The following CLTRN variants were observed in gnomAD, a reference collection of about 807,000 sequenced individuals.
CLTRN encodes collectrin.
In CLTRN, 12 loss-of-function variants were observed where a neutral mutation model predicts 14.5. The observed-to-expected ratio is 0.83, with a 90% CI of 0.53 to 1.34. The LOEUF (loss-of-function observed/expected upper bound fraction) is 1.34. Among genes scored for constraint, CLTRN ranks in the 40% most tolerant of loss-of-function variants. The pLI is 0.00. For synonymous variants in CLTRN, 58 were observed against 56.5 expected (o/e 1.03, Z -0.12); for missense variants, 154 against 165.1 (o/e 0.93, Z 0.37).
intron 2 of CLTRN, among the ~76,000 whole-genome samples, chrX:15,660,237 G>A (rs768574542): frequency 9.0e-6 from 1 of 111,629 alleles, no homozygotes; most frequent in Non-Finnish European, 1.9e-5. Flanking sequence ...AACAAAAAAT[G>A]TATTACTCAG....
chrX:15,664,572 C>T, intron 1 of CLTRN, 146 bp downstream of exon 1: 1 of 669,780 alleles, frequency 1.5e-6, no homozygotes, highest in African/African-American at 2.2e-5. Context: ...TTAATATTTT[C>T]TTTCAAACTC....
chrX:15,641,636 CTGTGTG>C lies in CLTRN; in HGVS notation c.318-1886_318-1881del, dbSNP rs56407617. Among the ~76,000 whole-genome samples, 617 of 88,469 alleles carry C rather than the reference CTGTGTG, an allele frequency of 7.0e-3. 2 individuals are homozygous for C. The highest frequency in any genetic ancestry group is 9.7e-3 in the Non-Finnish European group (440 of 45,294). The allele number at this position is 88,469 out of a possible 115,157, so 76.8% of individuals were successfully genotyped here. Reference sequence around the variant, plus strand: ...CACAGGTGTGTGCCACCACACCTGGCTGTGTGTGTGTGTGTGTGTGTGTGTGTGTGT... The same window carrying C: ...CACAGGTGTGTGCCACCACACCTGGCTGTGTGTGTGTGTGTGTGTGTGTGT... On this transcript the variant is annotated intron_variant, in intron 4 of 5. Transcript: ENST00000380342.
chrX:15,654,576 G>T (rs1229685470), intron 3 of CLTRN, among the ~76,000 whole-genome samples: 1 of 112,404 alleles, frequency 8.9e-6, no homozygotes, highest in Non-Finnish European at 1.9e-5. Context: ...CTCAACTAAT[G>T]AAACCAGAGC....
Position 15,627,980 on chromosome X carries a change from G to T in CLTRN, c.660C>A (p.Thr220=). ...DAFMTEDERL[T]PL is the part of the protein sequence containing the mutation. ...GCAGAACAACAGCCCTTCAGAGAGG[G>T]GTGAGCCTCTCATCCTCTGTCATGA... Residue 220 remains threonine (T), a synonymous_variant, in exon 6 of 6, where the codon ACC becomes ACA. Coordinates refer to ENST00000380342, the MANE Select transcript of CLTRN (RefSeq NM_020665.6). 9.7e-7 allele frequency: 1 copy of T among 1,032,159 alleles called. No homozygotes were observed. The highest frequency in any genetic ancestry group is 1.3e-6 in the Non-Finnish European group (1 of 797,193). The allele number at this position is 1,032,159 out of a possible 1,213,427, so 85.1% of individuals were successfully genotyped here.
chrX:15,656,646 G>A (rs1034252406), intron 3 of CLTRN, among the ~76,000 whole-genome samples: 6 of 110,974 alleles, frequency 5.4e-5, no homozygotes, highest in Non-Finnish European at 9.4e-5. Flanking sequence ...CAGCCTCTCC[G>A]CAAAGCTATT....
chrX:15,663,813 C>G (rs758357444), intron 2 of CLTRN, among the ~76,000 whole-genome samples: 1 of 112,475 alleles, frequency 8.9e-6, no homozygotes, highest in African/African-American at 3.2e-5. Flanking sequence ...CACATGGGCC[C>G]TATGACTATT....
intron 1 of CLTRN, among the ~76,000 whole-genome samples, chrX:15,671,580 G>A (rs1367495116): frequency 3.6e-5 from 4 of 110,894 alleles, no homozygotes; most frequent in African/African-American, 9.9e-5. Context: ...TTCAATGTGG[G>A]AATGGGTTCA....
At chrX:15,657,001 ATT>A (rs1180351298) in intron 3 of CLTRN, among the ~76,000 whole-genome samples, 2 of 101,434 alleles carry the variant, frequency 2.0e-5, no homozygotes, top group Admixed American at 1.1e-4. Flanking sequence ...TGTGTACCCA[ATT>A]TTTTTTTTTT....
intron 1 of CLTRN, among the ~76,000 whole-genome samples, chrX:15,674,332 G>C (rs112858206): frequency 0.024 from 2,638 of 111,703 alleles, 71 homozygotes; most frequent in African/African-American, 0.082. Context: ...GACCTAGAGA[G>C]CATTAGGGCA....
chrX:15,644,152 A>G (rs1929004192), intron 4 of CLTRN, among the ~76,000 whole-genome samples: 1 of 112,174 alleles, frequency 8.9e-6, no homozygotes, highest in Admixed American at 9.4e-5. Flanking sequence ...AAATTGTAAA[A>G]TACTTGAAAT....
chrX:15,670,885 TG>T (rs1372341960), intron 1 of CLTRN, among the ~76,000 whole-genome samples: 4 of 4,071 alleles, frequency 9.8e-4, no homozygotes, highest in Non-Finnish European at 1.4e-3. Flanking sequence ...GACAAGTGTG[TG>T]TGTGTGTGTG....
intron 1 of CLTRN, among the ~76,000 whole-genome samples, chrX:15,673,791 C>G (rs1245392151): frequency 5.4e-5 from 6 of 112,000 alleles, no homozygotes; most frequent in Admixed American, 2.8e-4. Context: ...TATAGTAAAT[C>G]TCACTGCCAT....
chrX:15,654,301 G>T (rs1414666034), intron 3 of CLTRN, among the ~76,000 whole-genome samples: 1 of 112,653 alleles, frequency 8.9e-6, no homozygotes, highest in Non-Finnish European at 1.9e-5. Flanking sequence ...AGAAAGCCTT[G>T]CCTGAGTTAG....
chrX:15,666,146 C>A (rs1200733067), upstream of CLTRN, among the ~76,000 whole-genome samples: 1 of 111,888 alleles, frequency 8.9e-6, no homozygotes, highest in Non-Finnish European at 1.9e-5. Context: ...TGCTTATTAT[C>A]TGGGTGACAA....
intron 3 of CLTRN, among the ~76,000 whole-genome samples, chrX:15,657,252 G>T (rs756638699): frequency 8.9e-6 from 1 of 112,065 alleles, no homozygotes; most frequent in African/African-American, 3.2e-5. Context: ...TGCCTGCCTC[G>T]GCCTCCCAAA....
chrX:15,657,748 A>G (rs1382290466), intron 3 of CLTRN, among the ~76,000 whole-genome samples: 3 of 112,068 alleles, frequency 2.7e-5, no homozygotes, highest in Non-Finnish European at 5.6e-5. Flanking sequence ...AATACAATAT[A>G]TATAATTTTA....
At position 15,629,156 on chromosome X, in the gene CLTRN, A is replaced by G. The variant is rs771557825; in HGVS notation, c.513-1029T>C. On this transcript the variant is annotated intron_variant, in intron 5 of 5. Transcript: ENST00000380342. ...TTAGGCATGAGGCTCCTGGACTTGCAAAGGATTCTCTTGTCCCACGAATTT... is the reference window on the plus strand; with the variant it reads ...TTAGGCATGAGGCTCCTGGACTTGCGAAGGATTCTCTTGTCCCACGAATTT... 3.6e-5 allele frequency among the ~76,000 whole-genome samples: 4 copies of G among 111,548 alleles called. No homozygotes were observed. The South Asian group carries it at 1.5e-3, about 43-fold the overall frequency.
chrX:15,652,686 A>C (rs758384287), intron 3 of CLTRN, among the ~76,000 whole-genome samples: 8 of 112,286 alleles, frequency 7.1e-5, no homozygotes, highest in Non-Finnish European at 1.5e-4. Context: ...CACCACAAGT[A>C]AAGTCAGAAG....
intron 3 of CLTRN, among the ~76,000 whole-genome samples, chrX:15,654,163 A>G (rs1471840169): frequency 8.9e-6 from 1 of 112,109 alleles, no homozygotes; most frequent in African/African-American, 3.2e-5. Context: ...TTACAAGCAC[A>G]AGACCGTTAA....
Sources: allele counts gnomAD v4.1 joint callset (sites outside exome capture counted in the v4.1 genomes callset), GRCh38; gene constraint gnomAD v4.1.1; transcripts MANE v1.5; gene names NCBI Gene and HGNC (gene_info 2026-07-23, HGNC 2026-07-21).